The following ST6GALNAC3 variants were observed in gnomAD, a reference collection of about 807,000 sequenced individuals.
ST6GALNAC3 encodes ST6 N-acetylgalactosaminide alpha-2,6-sialyltransferase 3, also known as alpha-N-acetylgalactosaminide alpha-2,6-sialyltransferase 3.
Under a neutral mutation model 32.7 loss-of-function variants are expected in ST6GALNAC3, and 25 were observed. The observed-to-expected ratio is 0.76, with a 90% CI of 0.56 to 1.07. The LOEUF (loss-of-function observed/expected upper bound fraction) is 1.07, where lower values mean the gene tolerates loss of function less well. Ranked by LOEUF, ST6GALNAC3 falls within the 50% of genes least tolerant of loss-of-function variation. The probability of loss-of-function intolerance (pLI) is 0.00; values close to 1 mark genes in which losing one functional copy is unlikely to be tolerated. For synonymous variants in ST6GALNAC3, 129 were observed against 133.1 expected (o/e 0.97, Z 0.21); for missense variants, 355 against 382.4 (o/e 0.93, Z 0.60).
intron 3 of ST6GALNAC3, among the ~76,000 whole-genome samples, chr1:76,618,485 T>C (rs540850893): frequency 2.0e-5 from 3 of 152,332 alleles, no homozygotes; most frequent in African/African-American, 7.2e-5. Context: ...ACACAATGTC[T>C]AGTACATATA....
chr1:76,597,696 G>C (rs933825435), intron 3 of ST6GALNAC3, among the ~76,000 whole-genome samples: 5 of 152,064 alleles, frequency 3.3e-5, no homozygotes, highest in Admixed American at 1.3e-4. Context: ...CTTCTAGGTG[G>C]CTTTTGAAAA....
At chr1:76,587,049 T>G (rs1485998392) in intron 3 of ST6GALNAC3, among the ~76,000 whole-genome samples, 11 of 152,228 alleles carry the variant, frequency 7.2e-5, no homozygotes, top group Non-Finnish European at 1.6e-4. Context: ...GATGCAATGC[T>G]TTAACACTGA....
chr1:76,307,471 G>A lies in ST6GALNAC3; in HGVS notation c.19-6334G>A, dbSNP rs186610484. 7.2e-5 allele frequency among the ~76,000 whole-genome samples: 11 copies of A among 152,192 alleles called. No individual in the cohort carries two copies. In the East Asian group the frequency reaches 9.7e-4, roughly 13 times the overall value. On this transcript the variant is annotated intron_variant, in intron 1 of 4. Coordinates refer to ENST00000328299, the MANE Select transcript of ST6GALNAC3 (RefSeq NM_152996.4). ...CTTTTTATGTGGGAAAATAATTAGC[G>A]TTTGATAAAATCACAAAGAAGCAAT...
At position 76,629,141 on chromosome 1, in the gene ST6GALNAC3, A is replaced by G. The variant is rs676269; in HGVS notation, c.*335A>G. 306,984 of 1,040,670 alleles carry G rather than the reference A, an allele frequency of 0.29. 48,026 individuals are homozygous for G. Among genetic ancestry groups the G allele is most frequent in the African/African-American group, 0.59 (34,280 of 58,164 alleles). 64.5% of individuals were successfully genotyped at this position (1,040,670 alleles called of 1,614,324 possible). On this transcript the variant is annotated 3_prime_UTR_variant, in exon 5 of 5. Transcript: ENST00000328299. Reference sequence around the variant, plus strand: ...TCAAGATAGCTGCCTAGAATTGTTCAACAGTGAGTAACTTCCAGAAGCCAA... The same window carrying G: ...TCAAGATAGCTGCCTAGAATTGTTCGACAGTGAGTAACTTCCAGAAGCCAA...
intron 1 of ST6GALNAC3, among the ~76,000 whole-genome samples, chr1:76,215,824 G>T (rs1250068378): frequency 6.6e-6 from 1 of 152,200 alleles, no homozygotes; most frequent in Non-Finnish European, 1.5e-5. Context: ...GTATTCCAGA[G>T]GATAGAAAGC....
At chr1:76,463,167 T>C (rs963488373) in intron 3 of ST6GALNAC3, among the ~76,000 whole-genome samples, 1 of 152,306 alleles carries the variant, frequency 6.6e-6, no homozygotes, top group Non-Finnish European at 1.5e-5. Flanking sequence ...AAAATTTTAA[T>C]AGTGGGAGCT....
chr1:76,304,746 A>G (rs915221817), intron 1 of ST6GALNAC3, among the ~76,000 whole-genome samples: 1 of 152,042 alleles, frequency 6.6e-6, no homozygotes, highest in African/African-American at 2.4e-5. Context: ...AGCTGATGTC[A>G]TTATCATCGT....
At chr1:76,095,675 A>G (rs1244569965) in intron 1 of ST6GALNAC3, among the ~76,000 whole-genome samples, 2 of 152,244 alleles carry the variant, frequency 1.3e-5, no homozygotes, top group Non-Finnish European at 1.5e-5. Flanking sequence ...CAAGTGTTCT[A>G]TAAATACTAT....
At chr1:76,404,978 A>G (rs1426580494) in intron 2 of ST6GALNAC3, among the ~76,000 whole-genome samples, 3 of 152,120 alleles carry the variant, frequency 2.0e-5, no homozygotes, top group Non-Finnish European at 4.4e-5. Flanking sequence ...TTTACTTGAG[A>G]TAAGCAAGTT....
At chr1:76,286,139 C>T (rs1466490423) in intron 1 of ST6GALNAC3, among the ~76,000 whole-genome samples, 3 of 152,166 alleles carry the variant, frequency 2.0e-5, no homozygotes, top group South Asian at 2.1e-4. Flanking sequence ...GCCTTTCCAT[C>T]CACTCTTTAT....
At chr1:76,181,510 T>C (rs1325922702) in intron 1 of ST6GALNAC3, among the ~76,000 whole-genome samples, 1 of 152,200 alleles carries the variant, frequency 6.6e-6, no homozygotes, top group Non-Finnish European at 1.5e-5. Context: ...GAGTGTTTTA[T>C]TCTTTCAATT....
At chr1:76,168,301 G>C (rs539394720) in intron 1 of ST6GALNAC3, among the ~76,000 whole-genome samples, 1 of 152,178 alleles carries the variant, frequency 6.6e-6, no homozygotes, top group Non-Finnish European at 1.5e-5. Flanking sequence ...GGTTTTGAGT[G>C]AATTTCTTAG....
chr1:76,416,921 C>T (rs1223446136), intron 3 of ST6GALNAC3, among the ~76,000 whole-genome samples: 5 of 151,922 alleles, frequency 3.3e-5, no homozygotes, highest in East Asian at 1.9e-4. Flanking sequence ...CCACCACGCC[C>T]GGCCAGCATT....
rs57251073 is a variant in ST6GALNAC3, at chr1:76,631,302, CAA to C, written c.*2510_*2511del. The C allele has an allele frequency of 0.39, 49,001 of 124,474 alleles. 8,092 individuals are homozygous for C. The highest frequency in any genetic ancestry group is 0.48 in the Admixed American group (6,030 of 12,568). The allele number at this position is 124,474 out of a possible 1,614,324, so 7.7% of individuals were successfully genotyped here. On this transcript the variant is annotated 3_prime_UTR_variant, in exon 5 of 5. Coordinates refer to ENST00000328299, the MANE Select transcript of ST6GALNAC3 (RefSeq NM_152996.4). ...TCTTTTTCTTTCTACAAACAGGAAACAAAAAAAAAAAAAAACAAGTTTTTCTC... is the reference window on the plus strand; with the variant it reads ...TCTTTTTCTTTCTACAAACAGGAAACAAAAAAAAAAAAACAAGTTTTTCTC...
At chr1:76,457,937 G>C (rs1571296113) in intron 3 of ST6GALNAC3, among the ~76,000 whole-genome samples, 1 of 150,614 alleles carries the variant, frequency 6.6e-6, no homozygotes, top group South Asian at 2.1e-4. Flanking sequence ...TACCATCAGA[G>C]TGAACAGGCA....
intron 2 of ST6GALNAC3, among the ~76,000 whole-genome samples, chr1:76,391,269 A>G (rs897747563): frequency 6.6e-6 from 1 of 152,070 alleles, no homozygotes; most frequent in African/African-American, 2.4e-5. Context: ...TTAAGTGATC[A>G]ATATAGTTGT....
At chr1:76,188,000 CCTGA>C (rs201672737) in intron 1 of ST6GALNAC3, among the ~76,000 whole-genome samples, 4,497 of 152,174 alleles carry the variant, frequency 0.03, 121 homozygotes, top group African/African-American at 0.078. Flanking sequence ...GAACTCAGAA[CCTGA>C]CTATTTTTTT....
intron 1 of ST6GALNAC3, among the ~76,000 whole-genome samples, chr1:76,252,698 G>C (rs72998547): frequency 0.025 from 3,866 of 152,212 alleles, 161 homozygotes; most frequent in African/African-American, 0.089. Context: ...TATTTAAGCA[G>C]CAATGTCCAA....
chr1:76,587,699 G>A (rs1173202488), intron 3 of ST6GALNAC3, among the ~76,000 whole-genome samples: 2 of 152,186 alleles, frequency 1.3e-5, no homozygotes, highest in Non-Finnish European at 2.9e-5. Context: ...TTCTGGGCAC[G>A]TAATGGCTCT....
Sources: allele counts gnomAD v4.1 joint callset (sites outside exome capture counted in the v4.1 genomes callset), GRCh38; gene constraint gnomAD v4.1.1; transcripts MANE v1.5; gene names NCBI Gene and HGNC (gene_info 2026-07-23, HGNC 2026-07-21).